The following MMP16 variants were observed in gnomAD, a reference collection of about 807,000 sequenced individuals.
MMP16 encodes the protein matrix metalloproteinase-16.
MMP16 carries 12 observed loss-of-function variants against 67.8 expected under a neutral mutation model. The observed-to-expected ratio is 0.18, with a 90% CI of 0.11 to 0.29. MMP16 has a LOEUF of 0.29. Among genes scored for constraint, MMP16 ranks in the 10% least tolerant of loss-of-function variants. The pLI, the probability that MMP16 is intolerant of heterozygous loss-of-function variation, is 1.00. For missense variants in MMP16, 475 were observed against 765.7 expected (o/e 0.62, Z 4.48); for synonymous variants, 249 against 255.9 (o/e 0.97, Z 0.26).
intron 3 of MMP16, among the ~76,000 whole-genome samples, chr8:88,168,263 A>G (rs1467548154): frequency 6.6e-6 from 1 of 152,160 alleles, no homozygotes; most frequent in Non-Finnish European, 1.5e-5. Flanking sequence ...TAAGAAAGAG[A>G]AAGGCAGATT....
At chr8:88,134,300 T>C (rs1011038372) in intron 4 of MMP16, among the ~76,000 whole-genome samples, 1 of 151,796 alleles carries the variant, frequency 6.6e-6, no homozygotes, top group Admixed American at 6.6e-5. Context: ...AGCATCTTTC[T>C]TCACACTTAC....
At chr8:88,163,678 G>A (rs1808667822) in intron 4 of MMP16, among the ~76,000 whole-genome samples, 1 of 151,998 alleles carries the variant, frequency 6.6e-6, no homozygotes, top group Non-Finnish European at 1.5e-5. Context: ...TACATTGATA[G>A]CACCATTTTA....
chr8:88,147,377 TTTC>T (rs1328044032), intron 4 of MMP16, among the ~76,000 whole-genome samples: 1 of 152,084 alleles, frequency 6.6e-6, no homozygotes, highest in Non-Finnish European at 1.5e-5. Flanking sequence ...CCAATAAACT[TTTC>T]TTTTTAGTTA....
At chr8:88,124,959 C>G (rs1807902547) in intron 4 of MMP16, among the ~76,000 whole-genome samples, 1 of 151,854 alleles carries the variant, frequency 6.6e-6, no homozygotes, top group Admixed American at 6.6e-5. Context: ...ATTAACTGGA[C>G]CTTATTCTGG....
At chr8:88,134,079 G>T (rs1415365687) in intron 4 of MMP16, among the ~76,000 whole-genome samples, 1 of 151,754 alleles carries the variant, frequency 6.6e-6, no homozygotes, top group Admixed American at 6.6e-5. Flanking sequence ...GTAGAGAGAT[G>T]TAAAACACTT....
chr8:88,224,540 A>T (rs1458584214), intron 1 of MMP16, among the ~76,000 whole-genome samples: 1 of 151,978 alleles, frequency 6.6e-6, no homozygotes, highest in African/African-American at 2.4e-5. Context: ...ACTTTATCTC[A>T]AACTACTAGT....
chr8:88,231,867 T>C (rs1399246494), intron 1 of MMP16, among the ~76,000 whole-genome samples: 1 of 152,192 alleles, frequency 6.6e-6, no homozygotes, highest in African/African-American at 2.4e-5. Context: ...GATAAACAAA[T>C]ATATGTATTT....
intron 6 of MMP16, among the ~76,000 whole-genome samples, chr8:88,104,004 G>A (rs1053600777): frequency 4.0e-5 from 6 of 151,814 alleles, no homozygotes; most frequent in South Asian, 2.1e-4. Context: ...CATTTAGTCA[G>A]TCTAAAGAAA....
At chr8:88,069,414 T>C in intron 7 of MMP16, 1 of 526,034 alleles carries the variant, frequency 1.9e-6, no homozygotes, top group Non-Finnish European at 3.9e-6. Context: ...CTTGTGCTTT[T>C]CAGTTTGTCT....
intron 1 of MMP16, among the ~76,000 whole-genome samples, chr8:88,296,443 T>C (rs1811014536): frequency 6.6e-6 from 1 of 152,166 alleles, no homozygotes; most frequent in Non-Finnish European, 1.5e-5. Flanking sequence ...AAACATTTGT[T>C]ATTTTAGCCA....
intron 6 of MMP16, among the ~76,000 whole-genome samples, chr8:88,108,270 A>G (rs1809275945): frequency 6.6e-6 from 1 of 151,256 alleles, no homozygotes; most frequent in Non-Finnish European, 1.5e-5. Flanking sequence ...TCATAAAGAA[A>G]TAAGCTTTAG....
At chr8:88,072,562 A>T (rs1808576870) in intron 7 of MMP16, among the ~76,000 whole-genome samples, 1 of 152,100 alleles carries the variant, frequency 6.6e-6, no homozygotes, top group Admixed American at 6.6e-5. Context: ...ACCACTGACA[A>T]GCACAACATT....
chr8:88,277,921 T>C (rs1404259133), intron 1 of MMP16, among the ~76,000 whole-genome samples: 1 of 152,174 alleles, frequency 6.6e-6, no homozygotes, highest in Non-Finnish European at 1.5e-5. Context: ...ATGCTGATAT[T>C]TGAAGGGTAT....
chr8:88,033,249 C>T lies in MMP16; in HGVS notation c.*8212G>A, dbSNP rs1415301502. 2 of 150,492 alleles carry T rather than the reference C, an allele frequency of 1.3e-5. No homozygotes were observed. Among genetic ancestry groups the T allele is most frequent in the Admixed American group, 6.7e-5 (1 of 14,990 alleles). 9.3% of individuals were successfully genotyped at this position (150,492 alleles called of 1,614,324 possible). A position where few individuals can be genotyped will look rare whatever the true frequency, so the allele number is the denominator to read the frequency against. On this transcript the variant is annotated 3_prime_UTR_variant, in exon 10 of 10. Transcript: ENST00000286614. ...TTTTAAATATATGGTATTTATTTGA[C>T]AAACTAAGTTTATGGGAGCTTTTTC...
chr8:88,261,772 T>TACACACACAC (rs1475874060), intron 1 of MMP16, among the ~76,000 whole-genome samples: 12,358 of 149,194 alleles, frequency 0.083, 560 homozygotes, highest in Middle Eastern at 0.17. Flanking sequence ...TATGTACATG[T>TACACACACAC]ACACACACAC....
intron 1 of MMP16, among the ~76,000 whole-genome samples, chr8:88,244,549 T>A (rs1183197085): frequency 2.6e-5 from 4 of 152,164 alleles, no homozygotes; most frequent in Admixed American, 1.3e-4. Context: ...TACTGAGCAT[T>A]CTTTATGAAT....
intron 1 of MMP16, among the ~76,000 whole-genome samples, chr8:88,276,159 A>G (rs533442047): frequency 6.6e-6 from 1 of 152,232 alleles, no homozygotes; most frequent in South Asian, 2.1e-4. Flanking sequence ...AATTGGACAG[A>G]GAAAATGAAG....
intron 1 of MMP16, among the ~76,000 whole-genome samples, chr8:88,267,227 A>T (rs975308628): frequency 6.6e-6 from 1 of 152,200 alleles, no homozygotes; most frequent in Non-Finnish European, 1.5e-5. Flanking sequence ...ATTCTTATAA[A>T]ATTCTGTGGT....
rs1012718169 is a variant in MMP16, at chr8:88,295,982, G to T, written c.132+31093C>A. Among the ~76,000 whole-genome samples the T allele has an allele frequency of 2.0e-5, 3 of 152,144 alleles. No homozygotes were observed. In the East Asian group the frequency reaches 5.8e-4, roughly 29 times the overall value. On this transcript the variant is annotated intron_variant, in intron 1 of 9. Transcript: ENST00000286614. ...AATAAAAGCTTAGATATAATACTTT[G>T]CTTGAATACATTAATAAAAATTTCA...
Sources: allele counts gnomAD v4.1 joint callset (sites outside exome capture counted in the v4.1 genomes callset), GRCh38; gene constraint gnomAD v4.1.1; transcripts MANE v1.5; gene names NCBI Gene and HGNC (gene_info 2026-07-23, HGNC 2026-07-21).